MACC1: variants seen among roughly 807,000 people sequenced by gnomAD.
MACC1 encodes MET transcriptional regulator MACC1.
Under a neutral mutation model 70.7 loss-of-function variants are expected in MACC1, and 79 were observed. The observed-to-expected ratio is 1.12, with a 90% CI of 0.93 to 1.35. MACC1 has a LOEUF of 1.35. Among genes scored for constraint, MACC1 ranks in the 40% most tolerant of loss-of-function variants. The pLI is 0.00. For missense variants in MACC1, 1,106 were observed against 978.1 expected, an observed-to-expected ratio of 1.13 and a Z score of -1.74; for synonymous variants, 361 against 347.2, an observed-to-expected ratio of 1.04 and a Z score of -0.44.
At chr7:20,149,093 A>T (rs1197041010) in intron 6 of MACC1, among the ~76,000 whole-genome samples, 1 of 152,212 alleles carries the variant, frequency 6.6e-6, no homozygotes, top group African/African-American at 2.4e-5. Context: ...AACTTTTGCG[A>T]GAGATAATTT....
chr7:20,185,323 C>T (rs1782569456), intron 1 of MACC1, among the ~76,000 whole-genome samples: 1 of 152,080 alleles, frequency 6.6e-6, no homozygotes, highest in African/African-American at 2.4e-5. Context: ...GGTATTCAAA[C>T]AACATCAAAA....
rs1274539887 is a variant in MACC1 at position 20,140,263 on chromosome 7, C to A, written c.*683G>T. 4.6e-5 allele frequency: 7 copies of A among 152,266 alleles called. No individual in the cohort carries two copies. Among genetic ancestry groups the A allele is most frequent in the Non-Finnish European group, 8.8e-5 (6 of 68,014 alleles). The allele number at this position is 152,266 out of a possible 1,614,324, so 9.4% of individuals were successfully genotyped here. ...ATTTTGTTTTTACTATTCTGTTATG[C>A]AGTATGATTTTTTAAAAAGAAATAG... On this transcript the variant is annotated 3_prime_UTR_variant, in exon 7 of 7. Coordinates refer to ENST00000400331, the MANE Select transcript of MACC1 (RefSeq NM_182762.4).
chr7:20,176,445 T>A (rs1026844363), intron 1 of MACC1, among the ~76,000 whole-genome samples: 1 of 152,154 alleles, frequency 6.6e-6, no homozygotes, highest in Admixed American at 6.5e-5. Context: ...AAGCCTGTAT[T>A]ACTAATCATC....
intron 1 of MACC1, among the ~76,000 whole-genome samples, chr7:20,174,848 A>T (rs1412735929): frequency 6.6e-6 from 1 of 152,068 alleles, no homozygotes; most frequent in Non-Finnish European, 1.5e-5. Context: ...CTTAAATTTT[A>T]AAAAAATGTA....
chr7:20,180,682 T>C (rs574794920), intron 1 of MACC1, among the ~76,000 whole-genome samples: 1 of 152,048 alleles, frequency 6.6e-6, no homozygotes, highest in Non-Finnish European at 1.5e-5. Context: ...CCATCTCTAC[T>C]AAAAATTTAA....
chr7:20,209,270 T>C (rs142152654), intron 1 of MACC1, among the ~76,000 whole-genome samples: 2 of 152,336 alleles, frequency 1.3e-5, no homozygotes, highest in African/African-American at 4.8e-5. Flanking sequence ...TTTTGTACCA[T>C]ATGCCTGGAA....
intron 2 of MACC1, among the ~76,000 whole-genome samples, chr7:20,169,733 A>G (rs933237033): frequency 2.6e-5 from 4 of 152,208 alleles, no homozygotes; most frequent in Non-Finnish European, 5.9e-5. Flanking sequence ...GATACTGAAC[A>G]TTTCTGGAAC....
chr7:20,210,445 C>A (rs1165979230), intron 1 of MACC1, among the ~76,000 whole-genome samples: 1 of 152,058 alleles, frequency 6.6e-6, no homozygotes, highest in Non-Finnish European at 1.5e-5. Flanking sequence ...GCACTATGAC[C>A]TCTTTCATCC....
At chr7:20,181,465 A>C (rs1782505589) in intron 1 of MACC1, among the ~76,000 whole-genome samples, 1 of 152,116 alleles carries the variant, frequency 6.6e-6, no homozygotes, top group Admixed American at 6.5e-5. Context: ...TTTGCCAGGA[A>C]CAAATGACTG....
At chr7:20,157,986 A>G (rs1782079950) in intron 5 of MACC1, among the ~76,000 whole-genome samples, 1 of 152,152 alleles carries the variant, frequency 6.6e-6, no homozygotes, top group South Asian at 2.1e-4. Flanking sequence ...CTTTTAAAAG[A>G]TGATCCTGGT....
At chr7:20,196,648 A>G (rs1392991053) in intron 1 of MACC1, among the ~76,000 whole-genome samples, 1 of 152,048 alleles carries the variant, frequency 6.6e-6, no homozygotes, top group Non-Finnish European at 1.5e-5. Context: ...TATGTGCTCT[A>G]TGTAATATAT....
chr7:20,142,569 T>C (rs2128099862), intron 6 of MACC1, among the ~76,000 whole-genome samples: 1 of 152,362 alleles, frequency 6.6e-6, no homozygotes, highest in East Asian at 1.9e-4. Context: ...GGAATGTGAA[T>C]GAGGCATCTG....
chr7:20,203,994 T>C (rs1782871451), intron 1 of MACC1, among the ~76,000 whole-genome samples: 1 of 152,220 alleles, frequency 6.6e-6, no homozygotes, highest in African/African-American at 2.4e-5. Context: ...CCATTTGCAT[T>C]TTAAAATAGA....
At chr7:20,166,134 T>C (rs1205775422) in intron 2 of MACC1, among the ~76,000 whole-genome samples, 1 of 152,214 alleles carries the variant, frequency 6.6e-6, no homozygotes, top group Non-Finnish European at 1.5e-5. Flanking sequence ...TCAAAGTATT[T>C]TTCAGTTAGT....
chr7:20,156,723 T>A (rs1159599360), intron 5 of MACC1, among the ~76,000 whole-genome samples: 1 of 152,192 alleles, frequency 6.6e-6, no homozygotes, highest in Non-Finnish European at 1.5e-5. Flanking sequence ...TCTCTAAGTA[T>A]CACTGTAGAA....
At chr7:20,178,306 A>G (rs1782429734) in intron 1 of MACC1, among the ~76,000 whole-genome samples, 2 of 150,968 alleles carry the variant, frequency 1.3e-5, no homozygotes, top group Admixed American at 1.3e-4. Context: ...CACTCCAGAG[A>G]ATAATTGATT....
At chr7:20,178,261 T>TCACACA (rs71020623) in intron 1 of MACC1, among the ~76,000 whole-genome samples, 1 of 98,910 alleles carries the variant, frequency 1.0e-5, no homozygotes, top group African/African-American at 5.1e-5. Context: ...TAATCTTATT[T>TCACACA]CACACACACA....
intron 1 of MACC1, among the ~76,000 whole-genome samples, chr7:20,216,780 C>T (rs1783077121): frequency 6.6e-6 from 1 of 152,096 alleles, no homozygotes; most frequent in African/African-American, 2.4e-5. Flanking sequence ...ATGCTATTAA[C>T]CTAATGAGGT....
At chr7:20,171,851 T>G (rs1782313338) in intron 1 of MACC1, among the ~76,000 whole-genome samples, 1 of 152,138 alleles carries the variant, frequency 6.6e-6, no homozygotes, top group Non-Finnish European at 1.5e-5. Context: ...CAGAGACAAT[T>G]ACATCTTCAA....
Sources: allele counts gnomAD v4.1 joint callset (sites outside exome capture counted in the v4.1 genomes callset), GRCh38; gene constraint gnomAD v4.1.1; transcripts MANE v1.5; gene names NCBI Gene and HGNC (gene_info 2026-07-23, HGNC 2026-07-21).